CFAP251: variants seen among roughly 807,000 people sequenced by gnomAD.
CFAP251 encodes cilia- and flagella-associated protein 251.
In CFAP251, 93 loss-of-function variants were observed where a neutral mutation model predicts 126.7. The observed-to-expected ratio is 0.73, with a 90% CI of 0.62 to 0.87. The LOEUF is 0.87. Among genes scored for constraint, CFAP251 ranks in the 40% least tolerant of loss-of-function variants. CFAP251 has a pLI of 0.00. For missense variants in CFAP251, 1,287 were observed against 1,389.2 expected, an observed-to-expected ratio of 0.93 and a Z score of 1.17; for synonymous variants, 503 against 506.9, an observed-to-expected ratio of 0.99 and a Z score of 0.10.
Position 121,931,759 on chromosome 12 carries a change from C to T in CFAP251, c.761C>T (p.Ser254Leu), listed in dbSNP as rs746786115. Residue 254 changes from serine to leucine, a missense_variant, in exon 4 of 22, where the codon TCG becomes TTG. Coordinates refer to ENST00000288912, the MANE Select transcript of CFAP251 (RefSeq NM_144668.6). ...TPVYPLTMTW[S>L]FGWNSSLPVY... ...CTTGTCTTCCAGACCATGACCTGGT[C>T]GTTTGGATGGAACAGTTCTCTTCCT... The T allele has an allele frequency of 8.2e-6, 13 of 1,578,168 alleles. No individual in the cohort carries two copies. Among genetic ancestry groups the T allele is most frequent in the Middle Eastern group, 1.7e-4 (1 of 5,970 alleles).
intron 19 of CFAP251, among the ~76,000 whole-genome samples, chr12:121,987,467 C>A (rs1156231787): frequency 1.3e-5 from 2 of 152,190 alleles, no homozygotes; most frequent in Non-Finnish European, 2.9e-5. Flanking sequence ...GTAATCCCAG[C>A]AGTTTGGGAG....
chr12:121,975,313 C>A lies in CFAP251; in HGVS notation c.2841C>A (p.Gly947=), dbSNP rs751529298. 5 of 1,614,014 alleles carry A rather than the reference C, an allele frequency of 3.1e-6. No individual in the cohort carries two copies. The South Asian group carries it at 5.5e-5, about 18-fold the overall frequency. The change falls in exon 18 of 22, where the codon GGC becomes GGA. Residue 947 remains glycine (G), a synonymous_variant. Coordinates refer to ENST00000288912, the MANE Select transcript of CFAP251 (RefSeq NM_144668.6). ...CATTCTATGGTCTGCTGTCTGGTGGCCGGGAAGGAAAATTCTACAGGGTAA... is the reference window on the plus strand; with the variant it reads ...CATTCTATGGTCTGCTGTCTGGTGGACGGGAAGGAAAATTCTACAGGGTAA... ...LTPFYGLLSG[G]REGKFYRELE...
intron 14 of CFAP251, among the ~76,000 whole-genome samples, chr12:121,961,429 C>T (rs1439556796): frequency 6.6e-6 from 1 of 151,264 alleles, no homozygotes; most frequent in Non-Finnish European, 1.5e-5. Context: ...TCCATCCATT[C>T]TGCCCTGCCC....
chr12:121,924,093 C>A, intron 3 of CFAP251, 103 bp downstream of exon 3: 2 of 1,326,792 alleles, frequency 1.5e-6, no homozygotes, highest in Non-Finnish European at 2.0e-6. Context: ...CAGAAGGATA[C>A]TTTTTAAACT....
intron 10 of CFAP251, among the ~76,000 whole-genome samples, chr12:121,954,649 A>AC (rs1881655961): frequency 1.4e-5 from 2 of 139,954 alleles, no homozygotes; most frequent in African/African-American, 5.0e-5. Flanking sequence ...AAAAAAAAAA[A>AC]AAAAAAAAAA....
chr12:121,967,142 A>C, intron 16 of CFAP251, 73 bp downstream of exon 16: 7 of 1,400,200 alleles, frequency 5.0e-6, no homozygotes, highest in Non-Finnish European at 6.1e-6. Context: ...ACTGAAGATC[A>C]CGAGACTCAG....
chr12:121,934,786 A>T (rs1401962305), intron 5 of CFAP251, among the ~76,000 whole-genome samples: 1 of 152,148 alleles, frequency 6.6e-6, no homozygotes, highest in Non-Finnish European at 1.5e-5. Flanking sequence ...TCTCTCTCTA[A>T]TTCTAACAAC....
chr12:121,958,328 C>T lies in CFAP251; in HGVS notation c.1787C>T (p.Thr596Ile), dbSNP rs373856235. Residue 596 changes from threonine (T) to isoleucine (I), a missense_variant, in exon 12 of 22, where the codon ACC (threonine) becomes ATC (isoleucine). Transcript: ENST00000288912. ...GTGTACCACTTAACAACAGATGGGA[C>T]CAAACTTGAGAAGTTATTTGTAGAG... is the stretch of plus-strand genomic sequence containing the variant. ...AAVYHLTTDGTKLEKLFVEPK... is the reference protein window; with the variant it reads ...AAVYHLTTDGIKLEKLFVEPK... 1.9e-6 allele frequency: 3 copies of T among 1,614,080 alleles called. No homozygotes were observed. The highest frequency in any genetic ancestry group is 2.7e-5 in the African/African-American group (2 of 74,928).
At chr12:122,002,059 C>CA (rs1307421234) in intron 21 of CFAP251, 1,605 of 165,216 alleles carry the variant, frequency 9.7e-3, no homozygotes, top group East Asian at 0.021. Context: ...CCCATCTCTA[C>CA]AAAAAAAAAA....
intron 5 of CFAP251, 119 bp downstream of exon 5, chr12:121,934,475 A>G: frequency 1.3e-6 from 1 of 742,530 alleles, no homozygotes; most frequent in South Asian, 1.8e-5. Context: ...GGTGTTCCAC[A>G]GTAGACTGGC....
At chr12:121,985,535 C>CAAAAA (rs59999924) in intron 19 of CFAP251, among the ~76,000 whole-genome samples, 1 of 62,514 alleles carries the variant, frequency 1.6e-5, no homozygotes, top group African/African-American at 4.2e-5. Context: ...GACTCCATCT[C>CAAAAA]AAAAAAAAAA....
chr12:121,958,416 C>T lies in CFAP251; in HGVS notation c.1875C>T (p.Ser625=). The T allele has an allele frequency of 2.5e-6, 4 of 1,614,240 alleles. No individual in the cohort carries two copies. Among genetic ancestry groups the T allele is most frequent in the Non-Finnish European group, 3.4e-6 (4 of 1,180,038 alleles). The change falls in exon 12 of 22, where the codon AGC becomes AGT. Residue 625 remains serine (S), a synonymous_variant. Coordinates refer to ENST00000288912, the MANE Select transcript of CFAP251 (RefSeq NM_144668.6). The part of the protein sequence containing the change: ...HPYQPLIAIG[S]ICGMIKVWNY... ...ATCAACCCCTCATTGCCATCGGGAG[C>T]ATCTGTGGGATGATCAAAGTGTGGA...
At chr12:122,001,900 C>G in intron 21 of CFAP251, 1 of 391,216 alleles carries the variant, frequency 2.6e-6, no homozygotes, top group Non-Finnish European at 4.8e-6. Context: ...TCCAGTTTGA[C>G]AGCTGTTTCA....
intron 17 of CFAP251, 70 bp downstream of exon 17, chr12:121,968,239 T>G: frequency 6.9e-7 from 1 of 1,450,220 alleles, no homozygotes; most frequent in Non-Finnish European, 9.3e-7. Context: ...TGATAGACAC[T>G]GAACCCTACT....
rs1208650476 is a variant in CFAP251, at chr12:121,994,334, G to T, written c.3007-5382G>T. ...GCCGCCCCGTCCGGGAGGGAGGTGG[G>T]GGGGGTCAGCCCCCCTGCCCGGCCA... On this transcript the variant is annotated intron_variant, in intron 19 of 21. Coordinates refer to ENST00000288912, the MANE Select transcript of CFAP251 (RefSeq NM_144668.6). 4.7e-5 allele frequency among the ~76,000 whole-genome samples: 3 copies of T among 64,030 alleles called. No individual in the cohort carries two copies. The East Asian group carries it at 1.3e-3, about 28-fold the overall frequency. The allele number at this position is 64,030 out of a possible 152,430, so 42.0% of individuals were successfully genotyped here. A position where few individuals can be genotyped will look rare whatever the true frequency, so the allele number is the denominator to read the frequency against.
chr12:121,996,070 G>T (rs1883015705), intron 19 of CFAP251, among the ~76,000 whole-genome samples: 1 of 152,196 alleles, frequency 6.6e-6, no homozygotes, highest in African/African-American at 2.4e-5. Flanking sequence ...TAGGTTGGTA[G>T]CTTGGCAGTG....
intron 19 of CFAP251, among the ~76,000 whole-genome samples, chr12:121,977,987 AAAT>A (rs1320410108): frequency 6.6e-6 from 1 of 151,580 alleles, no homozygotes; most frequent in Non-Finnish European, 1.5e-5. Flanking sequence ...AAATAAATAA[AAAT>A]AAAATAAAAT....
chr12:121,936,667 A>G (rs1880907023), intron 5 of CFAP251, among the ~76,000 whole-genome samples: 1 of 152,046 alleles, frequency 6.6e-6, no homozygotes, highest in South Asian at 2.1e-4. Flanking sequence ...GGGATGTGAC[A>G]TGCTGTAATC....
rs1880184798 is a variant in CFAP251, at chr12:121,921,683, A to G, written c.378A>G (p.Pro126=). The change falls in exon 2 of 22, where the codon CCA becomes CCG. Residue 126 remains proline (P), a splice_region_variant and synonymous_variant. Transcript: ENST00000288912. ...AGTCAATCACATCAGGAATTTTCCC[A>G]GTAAGTAGTCATCTTAATTCATTCA... The part of the protein sequence containing the change: ...DSQSITSGIF[P]KTQRGSKSKL... 1 of 1,603,320 alleles carries G rather than the reference A, an allele frequency of 6.2e-7. No homozygotes were observed. The highest frequency in any genetic ancestry group is 1.3e-5 in the African/African-American group (1 of 74,354).
Sources: gnomAD v4.1 joint callset for allele counts (sites outside exome capture counted in the v4.1 genomes callset) on GRCh38, gnomAD v4.1.1 for gene constraint, MANE v1.5 for transcripts, NCBI Gene and HGNC (gene_info 2026-07-23, HGNC 2026-07-21) for gene names.